The following MAST3 variants were observed in gnomAD, a reference collection of about 807,000 sequenced individuals.
MAST3 encodes microtubule-associated serine/threonine-protein kinase 3.
MAST3 carries 43 observed loss-of-function variants against 127.0 expected under a neutral mutation model. The ratio of observed to expected loss-of-function variants is 0.34; its 90% CI spans 0.27 to 0.44. The LOEUF is 0.44. Among genes scored for constraint, MAST3 ranks in the 20% least tolerant of loss-of-function variants. The pLI, the probability that MAST3 is intolerant of heterozygous loss-of-function variation, is 1.00. For synonymous variants in MAST3, 785 were observed against 809.2 expected, an observed-to-expected ratio of 0.97 and a Z score of 0.51; for missense variants, 1,390 against 1,919.1, an observed-to-expected ratio of 0.72 and a Z score of 5.15.
At chr19:18,131,354 GGGCAACAGA>G (rs1311711998) in intron 14 of MAST3, among the ~76,000 whole-genome samples, 2,144 of 134,946 alleles carry the variant, frequency 0.016, 22 homozygotes, top group South Asian at 0.018. Flanking sequence ...ACTCTAGCCT[GGGCAACAGA>G]GCGGGCAACA....
chr19:18,124,224 G>A, intron 9 of MAST3, 41 bp from the exon 10 acceptor site: 1 of 1,589,976 alleles, frequency 6.3e-7, no homozygotes, highest in Non-Finnish European at 8.6e-7. Flanking sequence ...GCCAGACGGT[G>A]CTGAGGACCT....
At chr19:18,132,595 A>G (rs1181757168) in intron 15 of MAST3, among the ~76,000 whole-genome samples, 1 of 152,154 alleles carries the variant, frequency 6.6e-6, no homozygotes, top group Non-Finnish European at 1.5e-5. Context: ...GGTAGGTGGT[A>G]AGCACCTACT....
intron 1 of MAST3, among the ~76,000 whole-genome samples, chr19:18,100,205 A>G (rs1599637183): frequency 6.7e-6 from 1 of 149,918 alleles, no homozygotes; most frequent in South Asian, 2.1e-4. Context: ...GCTCACTGCA[A>G]CCTCCACCTC....
At chr19:18,101,874 C>T (rs996725002) in intron 1 of MAST3, among the ~76,000 whole-genome samples, 32 of 140,630 alleles carry the variant, frequency 2.3e-4, no homozygotes, top group Admixed American at 4.4e-4. Context: ...CCAGAATGGC[C>T]TCAAACTCTT....
intron 18 of MAST3, 116 bp from the exon 19 acceptor site, chr19:18,137,123 A>T (rs1050829478): frequency 1.0e-5 from 14 of 1,355,194 alleles, no homozygotes; most frequent in African/African-American, 1.5e-5. Context: ...CGCCCGGCCC[A>T]TTTTTCTGGT....
intron 25 of MAST3, among the ~76,000 whole-genome samples, 161 bp from the exon 26 acceptor site, chr19:18,146,720 T>G (rs2043050668): frequency 6.6e-6 from 1 of 152,118 alleles, no homozygotes; most frequent in Non-Finnish European, 1.5e-5. Flanking sequence ...GGGCTATTGT[T>G]TGACCGGATA....
rs918594272 is a variant in MAST3 at position 18,097,807 on chromosome 19, C to T, written c.15C>T (p.Ser5=). 3 of 1,225,146 alleles carry T rather than the reference C, an allele frequency of 2.4e-6. No homozygotes were observed. The highest frequency in any genetic ancestry group is 1.0e-6 in the Non-Finnish European group (1 of 983,996). 75.9% of individuals were successfully genotyped at this position (1,225,146 alleles called of 1,614,324 possible). Residue 5 remains serine (S), a synonymous_variant, in exon 1 of 28, where the codon AGC becomes AGT. Coordinates refer to ENST00000687212, the MANE Select transcript of MAST3 (RefSeq NM_001393504.1). ...ACTCCCGGGCCATGGACGAGTCGAGCCTCCTGCGGCGCCGCGGGCTCCAGG... is the reference window on the plus strand; with the variant it reads ...ACTCCCGGGCCATGGACGAGTCGAGTCTCCTGCGGCGCCGCGGGCTCCAGG... MDES[S]LLRRRGLQKE...
chr19:18,102,221 C>T (rs1189811351), intron 1 of MAST3, among the ~76,000 whole-genome samples: 1 of 151,686 alleles, frequency 6.6e-6, no homozygotes, highest in Non-Finnish European at 1.5e-5. Flanking sequence ...GCTCTTCTTG[C>T]CCAGGCTGGA....
At chr19:18,134,217 T>TA (rs72373389) in intron 15 of MAST3, among the ~76,000 whole-genome samples, 16,564 of 148,296 alleles carry the variant, frequency 0.11, 1,138 homozygotes, top group Admixed American at 0.15. Flanking sequence ...AAAAGTACAC[T>TA]AAAAAAATAT....
intron 3 of MAST3, among the ~76,000 whole-genome samples, chr19:18,118,432 C>T (rs1055110192): frequency 6.6e-6 from 1 of 152,190 alleles, no homozygotes; most frequent in Non-Finnish European, 1.5e-5. Flanking sequence ...ACCCTCCTTT[C>T]GCCCCTCGTT....
intron 21 of MAST3, among the ~76,000 whole-genome samples, 185 bp from the exon 22 acceptor site, chr19:18,143,578 A>G (rs1463449039): frequency 6.6e-6 from 1 of 151,766 alleles, no homozygotes; most frequent in Non-Finnish European, 1.5e-5. Context: ...CCTGTCTTTA[A>G]AAAAAAAGGT....
intron 2 of MAST3, among the ~76,000 whole-genome samples, chr19:18,109,634 G>A (rs2038354263): frequency 6.6e-6 from 1 of 152,174 alleles, no homozygotes; most frequent in African/African-American, 2.4e-5. Flanking sequence ...GCGGCGCCTG[G>A]TGCTGGTGGG....
At chr19:18,113,732 A>G (rs2038913243) in intron 3 of MAST3, among the ~76,000 whole-genome samples, 1 of 151,866 alleles carries the variant, frequency 6.6e-6, no homozygotes, top group African/African-American at 2.4e-5. Context: ...ACAATGCTGG[A>G]ATTACAAGCG....
intron 15 of MAST3, 73 bp downstream of exon 15, chr19:18,132,120 G>GTGCA: frequency 1.9e-6 from 3 of 1,580,192 alleles, no homozygotes; most frequent in Non-Finnish European, 2.6e-6. Flanking sequence ...GGCCAAAGAG[G>GTGCA]ATCAGGGCAG....
At chr19:18,109,186 G>C (rs1183451826) in intron 2 of MAST3, among the ~76,000 whole-genome samples, 1 of 151,714 alleles carries the variant, frequency 6.6e-6, no homozygotes, top group Non-Finnish European at 1.5e-5. Context: ...ATGAAGACAA[G>C]GGTAGCTGAG....
intron 1 of MAST3, among the ~76,000 whole-genome samples, chr19:18,100,128 C>CTTTTTTTTTTTT (rs58879254): frequency 1.3e-4 from 16 of 121,720 alleles, no homozygotes; most frequent in African/African-American, 4.5e-4. Flanking sequence ...CTCTCTCTCT[C>CTTTTTTTTTTTT]TTTTTTTTTT....
chr19:18,139,179 T>C, intron 20 of MAST3, 55 bp downstream of exon 20: 1 of 1,270,076 alleles, frequency 7.9e-7, no homozygotes, highest in Non-Finnish European at 1.1e-6. Flanking sequence ...ATGATGTCTG[T>C]TTGCTTTCGT....
chr19:18,129,183 G>A, intron 13 of MAST3: 1 of 553,860 alleles, frequency 1.8e-6, no homozygotes, highest in Non-Finnish European at 3.2e-6. Flanking sequence ...CCAGGTGTAG[G>A]GCGTTCTAGG....
In MAST3 at chr19:18,130,569, C is replaced by G. The variant is rs1305813425; in HGVS notation, c.1299C>G (p.Ile433Met). The G allele has an allele frequency of 6.2e-7, 1 of 1,613,144 alleles. No homozygotes were observed. Among genetic ancestry groups the G allele is most frequent in the Admixed American group, 1.7e-5 (1 of 59,778 alleles). Residue 433 changes from isoleucine to methionine, a missense_variant, in exon 14 of 28, where the codon ATC (isoleucine) becomes ATG (methionine). Physicochemically the swap from Ile to Met is conservative, Grantham distance 10 (BLOSUM62 1). This residue lies in a region of MAST3 where 191 missense variants were observed against 409.0 expected (regional missense o/e 0.47). Coordinates refer to ENST00000687212, the MANE Select transcript of MAST3 (RefSeq NM_001393504.1). Reference sequence around the variant, plus strand: ...AGAAGATCAACAAACAGAACTTGATCCTGCGTAACCAGATCCAGCAGGTCT... The same window carrying G: ...AGAAGATCAACAAACAGAACTTGATGCTGCGTAACCAGATCCAGCAGGTCT... ...AIKKINKQNL[I>M]LRNQIQQVFV... is the part of the protein sequence containing the mutation.
Sources: allele counts gnomAD v4.1 joint callset (sites outside exome capture counted in the v4.1 genomes callset), GRCh38; gene constraint gnomAD v4.1.1; regional missense constraint gnomAD v4.1.1; transcripts MANE v1.5; gene names NCBI Gene and HGNC (gene_info 2026-07-23, HGNC 2026-07-21).